The following BRD10 variants were observed in gnomAD, a reference collection of about 807,000 sequenced individuals.
BRD10 encodes the protein bromodomain containing 10.
chr9:5,921,173 T>A, the BRD10 span: 3 of 1,613,970 alleles, frequency 1.9e-6, no homozygotes, highest in East Asian at 2.2e-5. Context: ...GCTACTTTTG[T>A]CTTCTCCTTT....
At chr9:5,943,821 T>C in the BRD10 span, among the ~76,000 whole-genome samples, 1 of 152,170 alleles carries the variant, frequency 6.6e-6, no homozygotes, top group Admixed American at 6.5e-5. Context: ...GAGCATTTAT[T>C]CTCTTAAATT....
the BRD10 span, chr9:5,908,623 C>A: frequency 3.1e-6 from 5 of 1,611,598 alleles, no homozygotes; most frequent in Non-Finnish European, 4.2e-6. Flanking sequence ...CATATTCTCC[C>A]TTTCTTGTTC....
the BRD10 span, among the ~76,000 whole-genome samples, chr9:5,981,224 G>T: frequency 6.6e-6 from 1 of 152,188 alleles, no homozygotes; most frequent in African/African-American, 2.4e-5. Context: ...GTGGGATGAA[G>T]CATTTATTTC....
At chr9:5,925,203 A>G in the BRD10 span, among the ~76,000 whole-genome samples, 1 of 152,008 alleles carries the variant, frequency 6.6e-6, no homozygotes. Flanking sequence ...TACTAAAAAT[A>G]CAAAAATTAG....
At chr9:5,943,396 T>C in the BRD10 span, among the ~76,000 whole-genome samples, 4 of 152,298 alleles carry the variant, frequency 2.6e-5, no homozygotes, top group South Asian at 8.3e-4. Flanking sequence ...CATAAAAAAT[T>C]GGCAACTTTA....
the BRD10 span, among the ~76,000 whole-genome samples, chr9:5,973,069 GA>G: frequency 4.0e-5 from 6 of 151,746 alleles, no homozygotes; most frequent in Non-Finnish European, 7.4e-5. Context: ...AAAGATAGGG[GA>G]AAAAAAAGTA....
At chr9:6,007,444 A>G in the BRD10 span, 8 of 1,606,968 alleles carry the variant, frequency 5.0e-6, no homozygotes, top group Non-Finnish European at 6.8e-6. Context: ...CCCTTCCGCC[A>G]CCTCCTCCTC....
chr9:5,935,859 A>G, the BRD10 span, among the ~76,000 whole-genome samples: 1 of 152,324 alleles, frequency 6.6e-6, no homozygotes, highest in South Asian at 2.1e-4. Flanking sequence ...TTTCTCATGT[A>G]ACTGAGGTTT....
At chr9:5,929,513 G>C in the BRD10 span, among the ~76,000 whole-genome samples, 3 of 152,142 alleles carry the variant, frequency 2.0e-5, no homozygotes, top group Non-Finnish European at 4.4e-5. Flanking sequence ...GGTCATTTCA[G>C]TAAAGTTACT....
At chr9:5,922,390 C>A in the BRD10 span, 1 of 1,613,960 alleles carries the variant, frequency 6.2e-7, no homozygotes, top group Non-Finnish European at 8.5e-7. Context: ...TCTGGCTAGT[C>A]TTAACTGATG....
At chr9:5,924,288 CTT>C in the BRD10 span, among the ~76,000 whole-genome samples, 11 of 142,998 alleles carry the variant, frequency 7.7e-5, no homozygotes, top group Non-Finnish European at 1.1e-4. Context: ...CTCCAAGAAA[CTT>C]TTTTTTTTTT....
At chr9:5,995,529 A>T in the BRD10 span, among the ~76,000 whole-genome samples, 4 of 152,292 alleles carry the variant, frequency 2.6e-5, no homozygotes, top group East Asian at 7.7e-4. Context: ...GAACATCTAA[A>T]CTGCTGATCC....
At chr9:5,897,652 T>C in the BRD10 span, 3 of 1,613,622 alleles carry the variant, frequency 1.9e-6, no homozygotes, top group East Asian at 2.2e-5. Context: ...AGAGCCTTGA[T>C]GGTTGGTAAA....
the BRD10 span, among the ~76,000 whole-genome samples, chr9:5,913,407 C>G: frequency 6.6e-6 from 1 of 152,030 alleles, no homozygotes; most frequent in Non-Finnish European, 1.5e-5. Flanking sequence ...GTAACCGGCG[C>G]CAAAAACATC....
At chr9:5,924,642 A>G in the BRD10 span, 1 of 1,457,026 alleles carries the variant, frequency 6.9e-7, no homozygotes, top group East Asian at 2.4e-5. Context: ...ACTTAAAAAA[A>G]AAGTTTAATG....
the BRD10 span, among the ~76,000 whole-genome samples, chr9:5,982,493 G>T: frequency 1.3e-5 from 2 of 152,128 alleles, no homozygotes; most frequent in African/African-American, 2.4e-5. Flanking sequence ...GATTAATGAG[G>T]TATCATGGGA....
the BRD10 span, among the ~76,000 whole-genome samples, chr9:5,882,666 G>C: frequency 6.6e-6 from 1 of 152,202 alleles, no homozygotes; most frequent in Non-Finnish European, 1.5e-5. Flanking sequence ...GGACAAGTAT[G>C]TAATCCTCTT....
chr9:5,964,472 T>C, the BRD10 span, among the ~76,000 whole-genome samples: 6 of 147,760 alleles, frequency 4.1e-5, no homozygotes, highest in Non-Finnish European at 9.1e-5. Flanking sequence ...TGTAAACTAG[T>C]TCATCCATTG....
the BRD10 span, among the ~76,000 whole-genome samples, chr9:5,932,707 G>A: frequency 4.9e-4 from 74 of 152,154 alleles, no homozygotes; most frequent in South Asian, 5.0e-3. Flanking sequence ...TGTATTTGCC[G>A]ACAGAAGCAG....
Sources: gnomAD v4.1 joint callset for allele counts (sites outside exome capture counted in the v4.1 genomes callset) on GRCh38, gnomAD v4.1.1 for gene constraint, MANE v1.5 for transcripts, NCBI Gene and HGNC (gene_info 2026-07-23, HGNC 2026-07-21) for gene names.